The following PLK4 variants were observed in gnomAD, a reference collection of about 807,000 sequenced individuals.
The protein encoded by PLK4 is polo like kinase 4.
Under a neutral mutation model 103.0 loss-of-function variants are expected in PLK4, and 51 were observed. That is an observed-to-expected ratio of 0.50 (90% CI 0.40 to 0.63). The LOEUF (loss-of-function observed/expected upper bound fraction) is 0.63. Among genes scored for constraint, PLK4 ranks in the 20% least tolerant of loss-of-function variants. The pLI, the probability that PLK4 is intolerant of heterozygous loss-of-function variation, is 0.00. For missense variants in PLK4, 1,054 were observed against 1,151.0 expected (o/e 0.92, Z 1.22); for synonymous variants, 389 against 376.8 (o/e 1.03, Z -0.38).
In PLK4 at chr4:127,889,885, T is replaced by C. The variant is rs1560696628; in HGVS notation, c.1479T>C (p.Thr493=). 2 of 1,593,984 alleles carry C rather than the reference T, an allele frequency of 1.3e-6. No homozygotes were observed. The highest frequency in any genetic ancestry group is 1.1e-5 in the South Asian group (1 of 88,204). ...TTGTAGCTCATTTAAGAAAAACTACTGAATATGACAGCATCAGCCCAAACC... is the reference window on the plus strand; with the variant it reads ...TTGTAGCTCATTTAAGAAAAACTACCGAATATGACAGCATCAGCCCAAACC... The part of the protein sequence containing the change: ...LQINAHLRKT[T]EYDSISPNRD... The change falls in exon 7 of 16, where the codon ACT becomes ACC. Residue 493 remains threonine (T), a synonymous_variant. Transcript: ENST00000270861.
rs1735289774 is a variant in PLK4 at position 127,889,981 on chromosome 4, A to G, written c.1575A>G (p.Lys525=). 6.2e-7 allele frequency: 1 copy of G among 1,614,034 alleles called. No homozygotes were observed. Among genetic ancestry groups the G allele is most frequent in the African/African-American group, 1.3e-5 (1 of 74,950 alleles). ...SKNAWTDTKV[K]KNSDASDNAH... is the part of the protein sequence containing the mutation. ...ATGCCTGGACTGATACAAAAGTCAA[A>G]AAGAACTCTGATGCTTCTGATAATG... is the stretch of plus-strand genomic sequence containing the variant. The change falls in exon 7 of 16, where the codon AAA becomes AAG. Residue 525 remains lysine (K), a synonymous_variant. Coordinates refer to ENST00000270861, the MANE Select transcript of PLK4 (RefSeq NM_014264.5).
chr4:127,885,800 C>T lies in PLK4; in HGVS notation c.430C>T (p.Leu144=). 1 of 1,613,906 alleles carries T rather than the reference C, an allele frequency of 6.2e-7. No homozygotes were observed. The highest frequency in any genetic ancestry group is 1.6e-4 in the Middle Eastern group (1 of 6,062). Residue 144 remains leucine (L), a synonymous_variant, in exon 5 of 16, where the codon CTG becomes TTG. Coordinates refer to ENST00000270861, the MANE Select transcript of PLK4 (RefSeq NM_014264.5). ...GGACCTCACACTTTCTAACCTCCTA[C>T]TGACTCGTAATATGAACATCAAGAT... is the stretch of plus-strand genomic sequence containing the variant. ...HRDLTLSNLL[L]TRNMNIKIAD...
chr4:127,886,586 T>C lies in PLK4; in HGVS notation c.1216T>C (p.Ser406Pro). ...ACGATGTCACTCAGCAGAAATGCTT[T>C]CAGTGTCCAAAAGATCAGGAGGAGG... Reference protein sequence around the residue: ...MERCHSAEMLSVSKRSGGGEN... With the variant: ...MERCHSAEMLPVSKRSGGGEN... The change falls in exon 5 of 16, where the codon TCA becomes CCA. Residue 406 changes from serine to proline, a missense_variant. Coordinates refer to ENST00000270861, the MANE Select transcript of PLK4 (RefSeq NM_014264.5). 1 of 1,614,182 alleles carries C rather than the reference T, an allele frequency of 6.2e-7. No homozygotes were observed. Among genetic ancestry groups the C allele is most frequent in the Non-Finnish European group, 8.5e-7 (1 of 1,180,000 alleles).
rs768718707 is a variant in PLK4 at position 127,893,811 on chromosome 4, G to C, written c.2492G>C (p.Arg831Thr). The change falls in exon 13 of 16, where the codon AGA becomes ACA. Residue 831 changes from arginine to threonine, a missense_variant. Arg to Thr is a moderately conservative substitution (Grantham distance 71). Around this residue, in one of 4 missense-constraint regions of PLK4, gnomAD observed 167 missense variants for 200.7 expected, o/e 0.83. Transcript: ENST00000270861. ...SVDSNYPTRE[R>T]ASFNRMVMHS... The stretch of plus-strand genomic sequence containing the variant: ...GATTCAAATTACCCAACGAGAGAGA[G>C]AGCATCTTTCAACAGAATGGTCATG... 2 of 1,613,264 alleles carry C rather than the reference G, an allele frequency of 1.2e-6. No individual in the cohort carries two copies. The highest frequency in any genetic ancestry group is 1.1e-5 in the South Asian group (1 of 91,042).
intron 4 of PLK4, among the ~76,000 whole-genome samples, chr4:127,884,762 C>T (rs2148816914): frequency 6.6e-6 from 1 of 152,190 alleles, no homozygotes; most frequent in East Asian, 1.9e-4. Context: ...CATGGTGAAA[C>T]CCCGTCTCTA....
At chr4:127,889,232 T>A (rs1735259683) in intron 6 of PLK4, among the ~76,000 whole-genome samples, 1 of 152,212 alleles carries the variant, frequency 6.6e-6, no homozygotes, top group African/African-American at 2.4e-5. Context: ...AAGTTTTATA[T>A]AATCTGATCA....
intron 4 of PLK4, among the ~76,000 whole-genome samples, chr4:127,883,866 A>C (rs1258387914): frequency 1.3e-5 from 2 of 152,178 alleles, no homozygotes. Flanking sequence ...TGGTGACTAT[A>C]AAGTAGTTCT....
chr4:127,896,763 T>C, intron 14 of PLK4, 38 bp from the exon 15 acceptor site: 2 of 1,220,684 alleles, frequency 1.6e-6, no homozygotes, highest in South Asian at 1.3e-5. Context: ...TTTTTTTTTT[T>C]CTGTGCCTGT....
At position 127,898,027 on chromosome 4, in the gene PLK4, A is replaced by G. The variant is rs186964598; in HGVS notation, c.2811-412A>G. ...CTAATTTTGTATTTTTAGTAGAGAC[A>G]GGGTTTCAACATATTGGCCAGGCTG... On this transcript the variant is annotated intron_variant, in intron 15 of 15. Transcript: ENST00000270861. 4.5e-3 allele frequency among the ~76,000 whole-genome samples: 683 copies of G among 151,526 alleles called. 5 individuals carry two copies. The highest frequency in any genetic ancestry group is 0.016 in the African/African-American group (649 of 41,326).
chr4:127,889,762 A>T lies in PLK4; in HGVS notation c.1460-104A>T, dbSNP rs11098941. The T allele has an allele frequency of 1.5e-3, 1,195 of 818,832 alleles. 15 individuals are homozygous for T. In the African/African-American group the frequency reaches 0.019, roughly 13 times the overall value. 50.7% of individuals were successfully genotyped at this position (818,832 alleles called of 1,614,324 possible). On this transcript the variant is annotated intron_variant, in intron 6 of 15. Transcript: ENST00000270861. ...TATTGTTTTGTTTTTTGTAACTAGA[A>T]TTCTTTTGTTCAAAAAATGCTATTA... is the stretch of plus-strand genomic sequence containing the variant.
In PLK4 at chr4:127,886,060, G is replaced by A. The variant is rs1342001153; in HGVS notation, c.690G>A (p.Met230Ile). 1 of 1,614,078 alleles carries A rather than the reference G, an allele frequency of 6.2e-7. No homozygotes were observed. Among genetic ancestry groups the A allele is most frequent in the Admixed American group, 1.7e-5 (1 of 60,024 alleles). ...LNKVVLADYE[M>I]PSFLSIEAKD... ...AAGTAGTATTGGCAGATTATGAAATGCCATCTTTTTTGTCAATAGAGGCCA... is the reference window on the plus strand; with the variant it reads ...AAGTAGTATTGGCAGATTATGAAATACCATCTTTTTTGTCAATAGAGGCCA... The change falls in exon 5 of 16, where the codon ATG becomes ATA. Residue 230 changes from methionine to isoleucine, a missense_variant. Met to Ile is a conservative substitution (Grantham distance 10). Around this residue, in one of 4 missense-constraint regions of PLK4, gnomAD observed 680 missense variants for 660.3 expected, o/e 1.03. Transcript: ENST00000270861.
chr4:127,883,783 C>T (rs1371587724), intron 4 of PLK4, among the ~76,000 whole-genome samples: 1 of 152,158 alleles, frequency 6.6e-6, no homozygotes, highest in African/African-American at 2.4e-5. Context: ...CTTAAAACCA[C>T]ATTTTAAATT....
Position 127,883,544 on chromosome 4 carries a change from GA to G in PLK4, c.332del (p.Asn111MetfsTer34). ...YLKNRVKPFSENEARHFMHQI... is the reference protein window; with the variant it reads ...YLKNRVKPFSXNEARHFMHQI... ...AAAGAATAGAGTGAAACCCTTCTCA[GA>G]AAATGAAGGTAGGTGTGTGGTTTTT... On this transcript the variant is annotated frameshift_variant, in exon 4 of 16. Transcript: ENST00000270861. LOFTEE classifies it high-confidence loss of function. The G allele has an allele frequency of 1.4e-6, 2 of 1,432,278 alleles. No homozygotes were observed. Among genetic ancestry groups the G allele is most frequent in the Non-Finnish European group, 2.0e-6 (2 of 1,023,758 alleles). The allele number at this position is 1,432,278 out of a possible 1,614,324, so 88.7% of individuals were successfully genotyped here.
At chr4:127,892,666 A>C in intron 10 of PLK4, 152 bp downstream of exon 10, 4 of 534,292 alleles carry the variant, frequency 7.5e-6, no homozygotes, top group Non-Finnish European at 3.2e-6. Flanking sequence ...ATACATGTCA[A>C]ATCATATTAA....
chr4:127,890,659 A>T (rs1735321503), intron 7 of PLK4, among the ~76,000 whole-genome samples: 1 of 152,164 alleles, frequency 6.6e-6, no homozygotes, highest in Non-Finnish European at 1.5e-5. Flanking sequence ...TAGCTTCTGG[A>T]ACTAAAGAAA....
In PLK4 at chr4:127,898,427, T is replaced by G. The variant is rs1553940959; in HGVS notation, c.2811-12T>G. 8.1e-7 allele frequency: 1 copy of G among 1,233,486 alleles called. No individual in the cohort carries two copies. Among genetic ancestry groups the G allele is most frequent in the East Asian group, 2.3e-5 (1 of 42,730 alleles). The allele number at this position is 1,233,486 out of a possible 1,614,324, so 76.4% of individuals were successfully genotyped here. A position where few individuals can be genotyped will look rare whatever the true frequency, so the allele number is the denominator to read the frequency against. On this transcript the variant is annotated splice_polypyrimidine_tract_variant and intron_variant, in intron 15 of 15. Coordinates refer to ENST00000270861, the MANE Select transcript of PLK4 (RefSeq NM_014264.5). ...GTTACGATTTTGTCTTTTTTTCTTTTGCTTCACTTAGGTATGGAGAAAATG... is the reference window on the plus strand; with the variant it reads ...GTTACGATTTTGTCTTTTTTTCTTTGGCTTCACTTAGGTATGGAGAAAATG...
chr4:127,897,575 C>G (rs890422402), intron 15 of PLK4, among the ~76,000 whole-genome samples: 9 of 152,060 alleles, frequency 5.9e-5, no homozygotes, highest in Non-Finnish European at 8.8e-5. Flanking sequence ...CTACCAACTG[C>G]ATTTTTGTGT....
In PLK4 at chr4:127,886,523, T is replaced by A. The variant is rs760065245; in HGVS notation, c.1153T>A (p.Ser385Thr). ...RAYSSDRSGT[S>T]NSQSQAKTYT... ...TTATTCCTCTGATAGATCTGGCACTTCTAATAGTCAGTCTCAAGCAAAAAC... is the reference window on the plus strand; with the variant it reads ...TTATTCCTCTGATAGATCTGGCACTACTAATAGTCAGTCTCAAGCAAAAAC... Residue 385 changes from serine to threonine, a missense_variant, in exon 5 of 16, where the codon TCT becomes ACT. Ser to Thr is a moderately conservative substitution (Grantham distance 58). Coordinates refer to ENST00000270861, the MANE Select transcript of PLK4 (RefSeq NM_014264.5). 1 of 1,613,946 alleles carries A rather than the reference T, an allele frequency of 6.2e-7. No homozygotes were observed. The highest frequency in any genetic ancestry group is 8.5e-7 in the Non-Finnish European group (1 of 1,179,882).
Position 127,887,463 on chromosome 4 carries a change from G to A in PLK4, c.1426G>A (p.Val476Ile), listed in dbSNP as rs773661736. The A allele has an allele frequency of 1.2e-5, 20 of 1,607,704 alleles. No individual in the cohort carries two copies. Among genetic ancestry groups the A allele is most frequent in the East Asian group, 4.5e-5 (2 of 44,804 alleles). ...FADPTPQTET[V>I]QQWFGNLQIN... Reference sequence around the variant, plus strand: ...AGACCCGACACCTCAGACTGAAACCGTACAACAGTGGTTTGGGAATCTGCA... The same window carrying A: ...AGACCCGACACCTCAGACTGAAACCATACAACAGTGGTTTGGGAATCTGCA... Residue 476 changes from valine (V) to isoleucine (I), a missense_variant, in exon 6 of 16, where the codon GTA becomes ATA. By Grantham distance (29) the Val-to-Ile change is conservative. This residue lies in a region of PLK4 where 680 missense variants were observed against 660.3 expected (regional missense o/e 1.03). Transcript: ENST00000270861.
Sources: gnomAD v4.1 joint callset for allele counts (sites outside exome capture counted in the v4.1 genomes callset) on GRCh38, gnomAD v4.1.1 for gene constraint, gnomAD v4.1.1 regional missense constraint, MANE v1.5 for transcripts, NCBI Gene and HGNC (gene_info 2026-07-23, HGNC 2026-07-21) for gene names.